CYTH3: variants seen among roughly 807,000 people sequenced by gnomAD.
CYTH3 encodes cytohesin-3.
A neutral mutation model predicts 55.1 loss-of-function variants in CYTH3; 23 were observed. That is an observed-to-expected ratio of 0.42 (90% CI 0.30 to 0.59). The LOEUF (loss-of-function observed/expected upper bound fraction) is 0.59, where lower values mean the gene tolerates loss of function less well. Among genes scored for constraint, CYTH3 ranks in the 20% least tolerant of loss-of-function variants. The pLI is 0.20. For synonymous variants in CYTH3, 249 were observed against 194.9 expected (o/e 1.28, Z -2.31); for missense variants, 413 against 524.8 (o/e 0.79, Z 2.08).
At chr7:6,209,337 A>C (rs562031947) in intron 1 of CYTH3, among the ~76,000 whole-genome samples, 1 of 152,380 alleles carries the variant, frequency 6.6e-6, no homozygotes, top group South Asian at 2.1e-4. Flanking sequence ...TAAGATCTTG[A>C]ACGATGAATA....
intron 6 of CYTH3, chr7:6,172,962 G>A: frequency 1.7e-6 from 2 of 1,142,998 alleles, no homozygotes; most frequent in Middle Eastern, 2.5e-4. Context: ...AAGGTATGAA[G>A]CCGAAGATTT....
chr7:6,188,520 G>C (rs967334834), intron 2 of CYTH3, among the ~76,000 whole-genome samples: 2 of 151,818 alleles, frequency 1.3e-5, no homozygotes, highest in East Asian at 3.9e-4. Context: ...GGTGGTCTCA[G>C]GCTGAAGCTC....
At chr7:6,271,991 C>T (rs1435092454) in intron 1 of CYTH3, among the ~76,000 whole-genome samples, 1 of 152,224 alleles carries the variant, frequency 6.6e-6, no homozygotes, top group Non-Finnish European at 1.5e-5. Flanking sequence ...CCCTGCCCTC[C>T]CGTCCTGTAC....
chr7:6,170,178 C>G lies in CYTH3; in HGVS notation c.823+357G>C, dbSNP rs201233826. On this transcript the variant is annotated intron_variant, in intron 9 of 12. Coordinates refer to ENST00000350796, the MANE Select transcript of CYTH3 (RefSeq NM_004227.4). The surrounding 1 kb of genome is among the most constrained non-coding windows in gnomAD (Gnocchi z 7.8). ...AAGAAGGCACATTTAAACCACGCGT[C>G]AAAAATCACAGCCACACCAAACCGA... 4.2e-6 allele frequency: 1 copy of G among 237,342 alleles called. No homozygotes were observed. The highest frequency in any genetic ancestry group is 5.1e-5 in the Admixed American group (1 of 19,784). The allele number at this position is 237,342 out of a possible 1,614,324, so 14.7% of individuals were successfully genotyped here. A position where few individuals can be genotyped will look rare whatever the true frequency, so the allele number is the denominator to read the frequency against.
Position 6,164,931 on chromosome 7 carries a change from T to C in CYTH3, c.*13A>G, listed in dbSNP as rs374498367. On this transcript the variant is annotated 3_prime_UTR_variant, in exon 13 of 13. Coordinates refer to ENST00000350796, the MANE Select transcript of CYTH3 (RefSeq NM_004227.4). ...GGGTTGGGTCTTTTACCTGGGTCTT[T>C]TAGCCAGGAAAGCTATTTTTTATTG... is the stretch of plus-strand genomic sequence containing the variant. 8.1e-6 allele frequency: 13 copies of C among 1,614,094 alleles called. No individual in the cohort carries two copies. Among genetic ancestry groups the C allele is most frequent in the Non-Finnish European group, 1.0e-5 (12 of 1,180,032 alleles).
At chr7:6,246,705 G>C (rs1029550538) in intron 1 of CYTH3, among the ~76,000 whole-genome samples, 1 of 129,914 alleles carries the variant, frequency 7.7e-6, no homozygotes, top group Non-Finnish European at 1.5e-5. Context: ...GTTTCTACTA[G>C]TGAATCTGAC....
At chr7:6,248,653 C>T (rs780997206) in intron 1 of CYTH3, among the ~76,000 whole-genome samples, 5 of 152,188 alleles carry the variant, frequency 3.3e-5, no homozygotes, top group African/African-American at 7.2e-5. Context: ...AAGCCCACCC[C>T]GGCTGCCCGT....
intron 1 of CYTH3, among the ~76,000 whole-genome samples, chr7:6,229,548 G>T (rs188085076): frequency 6.6e-6 from 1 of 151,424 alleles, no homozygotes; most frequent in African/African-American, 2.4e-5. Flanking sequence ...AGTGGTTCAC[G>T]CCTGTAATCC....
chr7:6,272,590 C>T lies in CYTH3; in HGVS notation c.-83G>A. 7.4e-6 allele frequency: 8 copies of T among 1,083,892 alleles called. No individual in the cohort carries two copies. The highest frequency in any genetic ancestry group is 1.7e-5 in the African/African-American group (1 of 59,094). 67.1% of individuals were successfully genotyped at this position (1,083,892 alleles called of 1,614,324 possible). On this transcript the variant is annotated 5_prime_UTR_variant, in exon 1 of 13. Coordinates refer to ENST00000350796, the MANE Select transcript of CYTH3 (RefSeq NM_004227.4). Reference sequence around the variant, plus strand: ...TGGGGACGCCGCCGGAGGGAGCGCGCAGGCGACCGGGCGGCTCCTCAGCGC... The same window carrying T: ...TGGGGACGCCGCCGGAGGGAGCGCGTAGGCGACCGGGCGGCTCCTCAGCGC...
rs1005289694 is a variant in CYTH3, at chr7:6,169,446, A to C, written c.823+1089T>G. On this transcript the variant is annotated intron_variant, in intron 9 of 12. Coordinates refer to ENST00000350796, the MANE Select transcript of CYTH3 (RefSeq NM_004227.4). This position sits in a 1 kb window ranked among gnomAD's most constrained non-coding sequence, Gnocchi z 4.1. ...CAGGTGGTCTGAAGCTCCTGGCCTA[A>C]GCAATCCTCCCACCTCAGCCTCCCA... Among the ~76,000 whole-genome samples, 20 of 152,064 alleles carry C rather than the reference A, an allele frequency of 1.3e-4. No homozygotes were observed. Among genetic ancestry groups the C allele is most frequent in the African/African-American group, 4.8e-4 (20 of 41,380 alleles).
chr7:6,259,917 G>A (rs1368519136), intron 1 of CYTH3, among the ~76,000 whole-genome samples: 7 of 135,592 alleles, frequency 5.2e-5, no homozygotes, highest in South Asian at 2.3e-4. Context: ...CACAACCTCC[G>A]CCTCCCAGGT....
At chr7:6,271,213 T>C (rs1780642820) in intron 1 of CYTH3, among the ~76,000 whole-genome samples, 1 of 152,102 alleles carries the variant, frequency 6.6e-6, no homozygotes, top group Admixed American at 6.5e-5. Flanking sequence ...CTATAAGAAC[T>C]GAACTCGCCA....
Position 6,190,495 on chromosome 7 carries a change from A to G in CYTH3, c.71T>C (p.Leu24Pro). 6.6e-7 allele frequency: 1 copy of G among 1,524,896 alleles called. No individual in the cohort carries two copies. Among genetic ancestry groups the G allele is most frequent in the Non-Finnish European group, 8.7e-7 (1 of 1,143,122 alleles). 94.5% of individuals were successfully genotyped at this position (1,524,896 alleles called of 1,614,324 possible). A position where few individuals can be genotyped will look rare whatever the true frequency, so the allele number is the denominator to read the frequency against. The change falls in exon 2 of 13, where the codon CTT becomes CCT. Residue 24 changes from leucine to proline, a missense_variant. By Grantham distance (98) the Leu-to-Pro change is moderately conservative (BLOSUM62 -3). Transcript: ENST00000350796. ...EDLSLEEREE[L>P]LDIRRRKKEL... ...CTTTTTTCTTCGACGAATGTCTAGAAGTTCTTCTCTCTCTTCTAATGAGAG... is the reference window on the plus strand; with the variant it reads ...CTTTTTTCTTCGACGAATGTCTAGAGGTTCTTCTCTCTCTTCTAATGAGAG...
In CYTH3 at chr7:6,171,437, G is replaced by C. The variant is rs1783190526; in HGVS notation, c.450-123C>G. On this transcript the variant is annotated intron_variant, in intron 6 of 12. Transcript: ENST00000350796. This position sits in a 1 kb window ranked among gnomAD's most constrained non-coding sequence, Gnocchi z 6.7. ...CCGAGCCTGGGGTACAGCTCTGGCA[G>C]GGGCTTGGGGGCGCAGAGACAGAAA... The C allele has an allele frequency of 9.4e-6, 7 of 747,460 alleles. No individual in the cohort carries two copies. Among genetic ancestry groups the C allele is most frequent in the Non-Finnish European group, 1.6e-5 (7 of 449,790 alleles). 46.3% of individuals were successfully genotyped at this position (747,460 alleles called of 1,614,324 possible). A position where few individuals can be genotyped will look rare whatever the true frequency, so the allele number is the denominator to read the frequency against.
chr7:6,224,375 A>G (rs1257681206), intron 1 of CYTH3, among the ~76,000 whole-genome samples: 1 of 152,098 alleles, frequency 6.6e-6, no homozygotes, highest in African/African-American at 2.4e-5. Context: ...ACAAAACCAT[A>G]TATTATTAAA....
intron 1 of CYTH3, among the ~76,000 whole-genome samples, chr7:6,238,847 C>A (rs1779595986): frequency 1.3e-5 from 2 of 152,120 alleles, no homozygotes; most frequent in South Asian, 4.1e-4. Context: ...GAACCTAAAT[C>A]TGCTCCAAAA....
chr7:6,179,550 A>T (rs1335927409), intron 4 of CYTH3, among the ~76,000 whole-genome samples: 1 of 151,740 alleles, frequency 6.6e-6, no homozygotes, highest in African/African-American at 2.4e-5. Context: ...GTATCTGGTG[A>T]TGGTACCCAC....
At position 6,164,959 on chromosome 7, in the gene CYTH3, A is replaced by C; in HGVS notation, c.1185T>G (p.Ile395Met). Reference protein sequence around the residue: ...YDMLATRKRRIANKK With the variant: ...YDMLATRKRRMANKK ...GCCAGGAAAGCTATTTTTTATTGGC[A>C]ATCCTTCGTTTCCTCGTTGCCAACA... Residue 395 changes from isoleucine (I) to methionine (M), a missense_variant, in exon 13 of 13, where the codon ATT becomes ATG. By Grantham distance (10) the Ile-to-Met change is conservative (BLOSUM62 1). Coordinates refer to ENST00000350796, the MANE Select transcript of CYTH3 (RefSeq NM_004227.4). The C allele has an allele frequency of 6.2e-7, 1 of 1,614,206 alleles. No homozygotes were observed. Among genetic ancestry groups the C allele is most frequent in the South Asian group, 1.1e-5 (1 of 91,082 alleles).
At chr7:6,272,410 G>GGGGGGGGGGGGGCGGGC in intron 1 of CYTH3, 64 bp downstream of exon 1, 3 of 1,216,618 alleles carry the variant, frequency 2.5e-6, no homozygotes, top group Non-Finnish European at 3.2e-6. Context: ...CCGCGCCCTC[G>GGGGGGGGGGGGGCGGGC]ACCCCCAGCC....
Sources: gnomAD v4.1 joint callset for allele counts (sites outside exome capture counted in the v4.1 genomes callset) on GRCh38, gnomAD v4.1.1 for gene constraint, Gnocchi (gnomAD v3.1) non-coding constraint, MANE v1.5 for transcripts, NCBI Gene and HGNC (gene_info 2026-07-23, HGNC 2026-07-21) for gene names.